Variants in TRPM3 observed in about 807,000 individuals in gnomAD.
The protein encoded by TRPM3 is long transient receptor potential channel 3.
In TRPM3, 77 loss-of-function variants were observed where a neutral mutation model predicts 181.2. That is an observed-to-expected ratio of 0.42 (90% CI 0.35 to 0.51). The LOEUF (loss-of-function observed/expected upper bound fraction) is 0.51. TRPM3 is among the 20% of genes least tolerant of loss of function. The pLI, the probability that TRPM3 is intolerant of heterozygous loss-of-function variation, is 0.01. For synonymous variants in TRPM3, 745 were observed against 796.4 expected, an observed-to-expected ratio of 0.94 and a Z score of 1.09; for missense variants, 1,759 against 2,196.7, an observed-to-expected ratio of 0.80 and a Z score of 3.98.
chr9:70,656,633 C>T (rs1384194363), intron 9 of TRPM3, among the ~76,000 whole-genome samples: 1 of 152,094 alleles, frequency 6.6e-6, no homozygotes, highest in Non-Finnish European at 1.5e-5. Context: ...CATAAATAAT[C>T]TAGGTAAACA....
chr9:70,882,794 G>A (rs2096016997), intron 1 of TRPM3, among the ~76,000 whole-genome samples: 1 of 152,090 alleles, frequency 6.6e-6, no homozygotes, highest in African/African-American at 2.4e-5. Context: ...GAATTGTTGA[G>A]GTAGTGCACC....
chr9:71,152,330 C>T (rs750449590), intron 1 of TRPM3, among the ~76,000 whole-genome samples: 1 of 152,012 alleles, frequency 6.6e-6, no homozygotes, highest in East Asian at 1.9e-4. Context: ...TTGCCTTGTA[C>T]CTTGCTTCTG....
chr9:70,755,355 G>C (rs2076879767), intron 8 of TRPM3, among the ~76,000 whole-genome samples: 1 of 151,980 alleles, frequency 6.6e-6, no homozygotes, highest in Admixed American at 6.6e-5. Flanking sequence ...AGAGAATGGG[G>C]GCCAATATTC....
chr9:70,562,839 A>G lies in TRPM3; in HGVS notation c.3224-9529T>C, dbSNP rs188952377. ...TTTTATGCAAATCTTGCCTTGGAAGAATATATATCTAAACTAGCCTATTGT... is the reference window on the plus strand; with the variant it reads ...TTTTATGCAAATCTTGCCTTGGAAGGATATATATCTAAACTAGCCTATTGT... On this transcript the variant is annotated intron_variant, in intron 22 of 25. Coordinates refer to ENST00000677713, the MANE Select transcript of TRPM3 (RefSeq NM_001366145.2). Among the ~76,000 whole-genome samples, 303 of 152,292 alleles carry G rather than the reference A, an allele frequency of 2.0e-3. 4 individuals are homozygous for G. The highest frequency in any genetic ancestry group is 7.0e-3 in the African/African-American group (291 of 41,562).
intron 21 of TRPM3, among the ~76,000 whole-genome samples, chr9:70,595,373 C>G (rs1005171347): frequency 6.6e-6 from 1 of 152,260 alleles, no homozygotes; most frequent in East Asian, 1.9e-4. Flanking sequence ...CTGAGGGACA[C>G]GTGGAGATGT....
chr9:71,180,931 C>T (rs2077366775), intron 1 of TRPM3, among the ~76,000 whole-genome samples: 1 of 151,998 alleles, frequency 6.6e-6, no homozygotes, highest in South Asian at 2.1e-4. Context: ...AAGTGTTTGG[C>T]CTTTTAGTCG....
In TRPM3 at chr9:71,084,655, T is replaced by C. The variant is rs190939135; in HGVS notation, c.177+36523A>G. 4.6e-5 allele frequency among the ~76,000 whole-genome samples: 7 copies of C among 152,126 alleles called. No homozygotes were observed. In the East Asian group the frequency reaches 1.4e-3, roughly 29 times the overall value. ...AAACAAATAGAAAAATATTCCATGC[T>C]CACAGATTGGAAGAATCAGTATCAT... On this transcript the variant is annotated intron_variant, in intron 1 of 25. Transcript: ENST00000677713.
chr9:70,980,324 G>A (rs1198963094), intron 1 of TRPM3, among the ~76,000 whole-genome samples: 1 of 152,062 alleles, frequency 6.6e-6, no homozygotes, highest in East Asian at 1.9e-4. Context: ...CAGATAGGAT[G>A]GGAGGAGCAG....
chr9:71,424,032 A>G (rs958779232), intron 1 of TRPM3, among the ~76,000 whole-genome samples: 82 of 152,136 alleles, frequency 5.4e-4, no homozygotes, highest in African/African-American at 1.9e-3. Context: ...GCACCGCTCA[A>G]TAGTTTTTCA....
At chr9:71,160,271 A>G (rs922043167) in intron 1 of TRPM3, among the ~76,000 whole-genome samples, 1 of 152,156 alleles carries the variant, frequency 6.6e-6, no homozygotes, top group African/African-American at 2.4e-5. Flanking sequence ...TTAAAGTGTT[A>G]TCCTTCATCT....
At chr9:71,399,097 A>T (rs895790366) in intron 1 of TRPM3, among the ~76,000 whole-genome samples, 1 of 130,636 alleles carries the variant, frequency 7.7e-6, no homozygotes, top group African/African-American at 2.9e-5. Context: ...ATTCTGAAAG[A>T]TCTGCCTTCA....
chr9:70,584,146 C>T lies in TRPM3; in HGVS notation c.3223+6885G>A, dbSNP rs73649178. On this transcript the variant is annotated intron_variant, in intron 22 of 25. Transcript: ENST00000677713. The stretch of plus-strand genomic sequence containing the variant: ...TTTTGAACTCCTGATCTGAAATGAT[C>T]CTCCTGCCTCAGCCTCCCGAAATGC... 1.6e-3 allele frequency among the ~76,000 whole-genome samples: 247 copies of T among 152,176 alleles called. 1 individual carries two copies. Among genetic ancestry groups the T allele is most frequent in the African/African-American group, 5.6e-3 (231 of 41,506 alleles).
chr9:70,822,741 C>T (rs1399031970), intron 6 of TRPM3, among the ~76,000 whole-genome samples: 3 of 145,314 alleles, frequency 2.1e-5, no homozygotes, highest in Non-Finnish European at 4.5e-5. Flanking sequence ...ACCACAGTTT[C>T]AAAAACAAAG....
chr9:71,262,991 A>G (rs368875583), intron 1 of TRPM3, among the ~76,000 whole-genome samples: 1 of 152,220 alleles, frequency 6.6e-6, no homozygotes, highest in East Asian at 1.9e-4. Flanking sequence ...TCTTGATGGT[A>G]ATAACTGTAT....
chr9:71,221,567 G>T (rs181263031), intron 1 of TRPM3, among the ~76,000 whole-genome samples: 4 of 151,926 alleles, frequency 2.6e-5, no homozygotes, highest in African/African-American at 4.8e-5. Flanking sequence ...CACTTATCAC[G>T]TATGTCTTTT....
chr9:71,347,268 C>T (rs1016235610), intron 1 of TRPM3, among the ~76,000 whole-genome samples: 1 of 152,176 alleles, frequency 6.6e-6, no homozygotes, highest in African/African-American at 2.4e-5. Flanking sequence ...CATTCAGTTA[C>T]TGTTAGTTGT....
chr9:71,305,880 T>A (rs1222733124), intron 1 of TRPM3, among the ~76,000 whole-genome samples: 3 of 151,992 alleles, frequency 2.0e-5, no homozygotes, highest in African/African-American at 4.8e-5. Flanking sequence ...TTCCTTCTTT[T>A]AAAAAAAATC....
At chr9:71,323,101 T>A (rs1019815124) in intron 1 of TRPM3, among the ~76,000 whole-genome samples, 25 of 152,132 alleles carry the variant, frequency 1.6e-4, no homozygotes, top group African/African-American at 5.1e-4. Flanking sequence ...CCCCATCTTT[T>A]TTTCCCCTTA....
At chr9:70,836,771 C>T (rs2094350578) in intron 5 of TRPM3, among the ~76,000 whole-genome samples, 1 of 152,184 alleles carries the variant, frequency 6.6e-6, no homozygotes, top group Non-Finnish European at 1.5e-5. Flanking sequence ...CTCCCATCCA[C>T]CATAATGACT....
Sources: allele counts gnomAD v4.1 joint callset (sites outside exome capture counted in the v4.1 genomes callset), GRCh38; gene constraint gnomAD v4.1.1; transcripts MANE v1.5; gene names NCBI Gene and HGNC (gene_info 2026-07-23, HGNC 2026-07-21).